Variants in DGKB observed in about 807,000 individuals in gnomAD.
DGKB encodes the protein 90 kDa diacylglycerol kinase.
Under a neutral mutation model 114.3 loss-of-function variants are expected in DGKB, and 67 were observed. The observed-to-expected ratio is 0.59, with a 90% confidence interval of 0.48 to 0.72. The LOEUF (loss-of-function observed/expected upper bound fraction) is 0.72, where lower values mean the gene tolerates loss of function less well. Ranked by LOEUF, DGKB falls within the 30% of genes least tolerant of loss-of-function variation. The pLI is 0.00. For missense variants in DGKB, 907 were observed against 975.2 expected (o/e 0.93, Z 0.93); for synonymous variants, 398 against 323.1 (o/e 1.23, Z -2.49).
chr7:14,964,253 C>A (rs1235572884), intron 1 of DGKB, among the ~76,000 whole-genome samples: 4 of 152,126 alleles, frequency 2.6e-5, no homozygotes, highest in Non-Finnish European at 5.9e-5. Context: ...CACCTGTAAT[C>A]CCAGCACTTT....
rs943543578 is a variant in DGKB at position 14,262,151 on chromosome 7, G to T, written c.2122+76364C>A. On this transcript the variant is annotated intron_variant, in intron 23 of 25. Coordinates refer to ENST00000402815, the MANE Select transcript of DGKB (RefSeq NM_001350709.2). ...AGATAATGACGTATCAGTTGAATTT[G>T]CAGCCTAAAAAAGGAAACCCAGTAG... 3.9e-5 allele frequency among the ~76,000 whole-genome samples: 6 copies of T among 152,138 alleles called. No individual in the cohort carries two copies. In the East Asian group the frequency reaches 7.7e-4, roughly 20 times the overall value.
chr7:14,710,456 C>A (rs1827173923), intron 6 of DGKB, among the ~76,000 whole-genome samples: 1 of 151,952 alleles, frequency 6.6e-6, no homozygotes, highest in Non-Finnish European at 1.5e-5. Context: ...ATTTCAATTT[C>A]TTCTTTCCCA....
chr7:14,323,546 C>A (rs929877922), intron 23 of DGKB, among the ~76,000 whole-genome samples: 1 of 152,266 alleles, frequency 6.6e-6, no homozygotes, highest in African/African-American at 2.4e-5. Flanking sequence ...CATATTTTAA[C>A]AATGACCTGT....
intron 1 of DGKB, among the ~76,000 whole-genome samples, chr7:14,966,592 C>T (rs1787163823): frequency 6.6e-6 from 1 of 152,098 alleles, no homozygotes; most frequent in Admixed American, 6.6e-5. Flanking sequence ...GCTTGAGCCA[C>T]CATGCCTGGC....
Position 14,482,622 on chromosome 7 carries a change from C to G in DGKB, c.1771-4397G>C, listed in dbSNP as rs143422570. Among the ~76,000 whole-genome samples, 69 of 152,100 alleles carry G rather than the reference C, an allele frequency of 4.5e-4. No individual in the cohort carries two copies. In the East Asian group the frequency reaches 0.011, roughly 23 times the overall value. On this transcript the variant is annotated intron_variant, in intron 20 of 25. Coordinates refer to ENST00000402815, the MANE Select transcript of DGKB (RefSeq NM_001350709.2). ...AGCTTAGTTCAGGTTATAGTTCTCACTAAGAAACTATAAAAATCTGGGTTT... is the reference window on the plus strand; with the variant it reads ...AGCTTAGTTCAGGTTATAGTTCTCAGTAAGAAACTATAAAAATCTGGGTTT...
rs57577998 is a variant in DGKB, at chr7:14,840,699, AACACACACACACACACAC to A, written c.70+477_70+494del. On this transcript the variant is annotated intron_variant, in intron 2 of 25. Coordinates refer to ENST00000402815, the MANE Select transcript of DGKB (RefSeq NM_001350709.2). ...GACTCCCTGCTTCCTACTCTCTTTT[AACACACACACACACACAC>A]ACACACACACACACACACACACACA... Among the ~76,000 whole-genome samples the A allele has an allele frequency of 2.4e-3, 317 of 130,290 alleles. 1 individual carries two copies. Among genetic ancestry groups the A allele is most frequent in the African/African-American group, 7.9e-3 (297 of 37,432 alleles). 85.5% of individuals were successfully genotyped at this position (130,290 alleles called of 152,430 possible).
At position 14,563,383 on chromosome 7, in the gene DGKB, C is replaced by T. The variant is rs922707307; in HGVS notation, c.1770+10829G>A. Among the ~76,000 whole-genome samples the T allele has an allele frequency of 5.9e-5, 9 of 152,044 alleles. No individual in the cohort carries two copies. The South Asian group carries it at 1.9e-3, about 32-fold the overall frequency. On this transcript the variant is annotated intron_variant, in intron 20 of 25. Transcript: ENST00000402815. ...AATATATATTTGGTTTTCCCTGTTT[C>T]TTGACAAAAAACTTCTAAAATTCTT...
chr7:14,207,908 A>T (rs1787093988), intron 23 of DGKB, among the ~76,000 whole-genome samples: 1 of 152,030 alleles, frequency 6.6e-6, no homozygotes. Flanking sequence ...ATTATATATG[A>T]CTTGTCAGCA....
At chr7:14,592,298 T>G (rs897371989) in intron 17 of DGKB, among the ~76,000 whole-genome samples, 9 of 44,384 alleles carry the variant, frequency 2.0e-4, no homozygotes, top group Admixed American at 1.5e-3. Context: ...TCATCAATTC[T>G]CTTTTTCCTC....
intron 1 of DGKB, among the ~76,000 whole-genome samples, chr7:14,926,755 T>A (rs1232093237): frequency 1.3e-5 from 2 of 152,052 alleles, no homozygotes; most frequent in Non-Finnish European, 2.9e-5. Context: ...TGAAAGTGAA[T>A]CTGGTATTAA....
chr7:14,901,524 T>C (rs1053141225), intron 1 of DGKB, among the ~76,000 whole-genome samples: 1 of 152,124 alleles, frequency 6.6e-6, no homozygotes, highest in Non-Finnish European at 1.5e-5. Context: ...AAAAATGTAC[T>C]AATACAGTGT....
chr7:14,943,908 A>C (rs1785712589), intron 1 of DGKB, among the ~76,000 whole-genome samples: 1 of 151,786 alleles, frequency 6.6e-6, no homozygotes, highest in Non-Finnish European at 1.5e-5. Context: ...TTAAGGTTTC[A>C]TCTGTTTTCT....
intron 23 of DGKB, among the ~76,000 whole-genome samples, chr7:14,179,519 A>C (rs1782316941): frequency 6.6e-6 from 1 of 152,138 alleles, no homozygotes; most frequent in South Asian, 2.1e-4. Flanking sequence ...AAAACAAGCA[A>C]ATGTGTTTTG....
chr7:14,692,390 C>A (rs1017493425), intron 9 of DGKB, among the ~76,000 whole-genome samples: 1 of 151,982 alleles, frequency 6.6e-6, no homozygotes, highest in East Asian at 1.9e-4. Context: ...TCTCGGGAAT[C>A]ATTATTATTG....
intron 9 of DGKB, among the ~76,000 whole-genome samples, chr7:14,691,245 A>G (rs1005797805): frequency 2.0e-5 from 3 of 152,226 alleles, no homozygotes; most frequent in Non-Finnish European, 2.9e-5. Flanking sequence ...AGGACACCAC[A>G]GTCACTTTCA....
chr7:14,769,276 AAG>A (rs63614561), intron 2 of DGKB, among the ~76,000 whole-genome samples: 899 of 74,290 alleles, frequency 0.012, 33 homozygotes, highest in African/African-American at 0.11. Context: ...GAAAGAAAGA[AAG>A]AAAGATTTTG....
At chr7:14,808,054 A>G (rs1362811435) in intron 2 of DGKB, among the ~76,000 whole-genome samples, 2 of 152,062 alleles carry the variant, frequency 1.3e-5, no homozygotes, top group Admixed American at 1.3e-4. Flanking sequence ...TTACAATGTA[A>G]TATCCAACCC....
chr7:14,405,561 T>C (rs1459184843), intron 21 of DGKB, among the ~76,000 whole-genome samples: 1 of 152,040 alleles, frequency 6.6e-6, no homozygotes, highest in African/African-American at 2.4e-5. Flanking sequence ...GTATAATGAA[T>C]CTAACATGTT....
At chr7:14,500,097 T>C (rs1467967718) in intron 20 of DGKB, among the ~76,000 whole-genome samples, 2 of 151,908 alleles carry the variant, frequency 1.3e-5, no homozygotes, top group Admixed American at 1.3e-4. Flanking sequence ...CATATTTTTA[T>C]GTTCCCTAAT....
Sources: gnomAD v4.1 joint callset for allele counts (sites outside exome capture counted in the v4.1 genomes callset) on GRCh38, gnomAD v4.1.1 for gene constraint, MANE v1.5 for transcripts, NCBI Gene and HGNC (gene_info 2026-07-23, HGNC 2026-07-21) for gene names.